Variants in TDRP observed in about 807,000 individuals in gnomAD.
TDRP encodes the protein testis development-related protein.
TDRP carries 12 observed loss-of-function variants against 10.5 expected under a neutral mutation model. The observed-to-expected ratio is 1.15, with a 90% confidence interval of 0.73 to 1.86. The LOEUF is 1.86. Ranked by LOEUF, TDRP falls within the 40% of genes most tolerant of loss-of-function variation. The pLI, the probability that TDRP is intolerant of heterozygous loss-of-function variation, is 0.00. For missense variants in TDRP, 353 were observed against 229.2 expected (o/e 1.54, Z -3.49); for synonymous variants, 139 against 95.4 (o/e 1.46, Z -2.67).
Position 492,185 on chromosome 8 carries a change from G to C in TDRP, c.*214C>G. On this transcript the variant is annotated 3_prime_UTR_variant, in exon 3 of 3. Transcript: ENST00000324079. ...CATGGACTGATAGGTGAATATTTCTGCAATAAGGCAATCAAATGTACAATC... is the reference window on the plus strand; with the variant it reads ...CATGGACTGATAGGTGAATATTTCTCCAATAAGGCAATCAAATGTACAATC... The C allele has an allele frequency of 7.9e-7, 1 of 1,262,090 alleles. No individual in the cohort carries two copies. The highest frequency in any genetic ancestry group is 3.7e-5 in the South Asian group (1 of 27,296). 78.2% of individuals were successfully genotyped at this position (1,262,090 alleles called of 1,614,324 possible).
At chr8:499,938 C>A (rs576559013) in intron 1 of TDRP, among the ~76,000 whole-genome samples, 2 of 152,210 alleles carry the variant, frequency 1.3e-5, no homozygotes, top group Admixed American at 1.3e-4. Flanking sequence ...AAGTTCTCCT[C>A]TTCCACGGGA....
chr8:498,081 T>C (rs144550727), intron 1 of TDRP, among the ~76,000 whole-genome samples: 1 of 152,260 alleles, frequency 6.6e-6, no homozygotes, highest in Admixed American at 6.5e-5. Flanking sequence ...TAGGGCAGCA[T>C]GCAAGGGAAA....
intron 1 of TDRP, among the ~76,000 whole-genome samples, chr8:538,186 G>T (rs2116874557): frequency 6.6e-6 from 1 of 152,318 alleles, no homozygotes; most frequent in Middle Eastern, 3.4e-3. Context: ...GGAGTCTCGG[G>T]ATGGGAAGTG....
Position 492,427 on chromosome 8 carries a change from A to G in TDRP, c.530T>C (p.Leu177Pro), listed in dbSNP as rs1243792666. ...CTCCGCCTCCTCCGGGCTATCTGTC[A>G]GGTGGCCTTTACTCTGCCGTCGGAT... ...VSIRRQSKGH[L>P]TDSPEEAE is the part of the protein sequence containing the mutation. Residue 177 changes from leucine (L) to proline (P), a missense_variant, in exon 3 of 3, where the codon CTG (leucine) becomes CCG (proline). Physicochemically the swap from Leu to Pro is moderately conservative, Grantham distance 98. Coordinates refer to ENST00000324079, the MANE Select transcript of TDRP (RefSeq NM_001384899.1). 1.9e-6 allele frequency: 3 copies of G among 1,573,696 alleles called. No individual in the cohort carries two copies. In the South Asian group the frequency reaches 3.5e-5, roughly 18 times the overall value.
chr8:524,273 A>C (rs552582748), intron 1 of TDRP, among the ~76,000 whole-genome samples: 2 of 152,312 alleles, frequency 1.3e-5, no homozygotes, highest in South Asian at 2.1e-4. Flanking sequence ...CGAAAAACTT[A>C]GATCACAACA....
Position 492,365 on chromosome 8 carries a change from A to G in TDRP, c.*34T>C. The G allele has an allele frequency of 6.8e-7, 1 of 1,463,094 alleles. No homozygotes were observed. The highest frequency in any genetic ancestry group is 9.0e-7 in the Non-Finnish European group (1 of 1,105,064). The allele number at this position is 1,463,094 out of a possible 1,614,324, so 90.6% of individuals were successfully genotyped here. A position where few individuals can be genotyped will look rare whatever the true frequency, so the allele number is the denominator to read the frequency against. ...CTACATGGTATACTCATAAAAGGCC[A>G]CCATGTCGGGGCACACTTGCCACGC... is the stretch of plus-strand genomic sequence containing the variant. On this transcript the variant is annotated 3_prime_UTR_variant, in exon 3 of 3. Coordinates refer to ENST00000324079, the MANE Select transcript of TDRP (RefSeq NM_001384899.1).
At chr8:523,057 G>T (rs934067679) in intron 1 of TDRP, among the ~76,000 whole-genome samples, 3 of 152,034 alleles carry the variant, frequency 2.0e-5, no homozygotes, top group Non-Finnish European at 2.9e-5. Context: ...TTGCCACTTT[G>T]TTAATTATGT....
At chr8:528,669 G>T (rs2116846473) in intron 1 of TDRP, among the ~76,000 whole-genome samples, 1 of 152,248 alleles carries the variant, frequency 6.6e-6, no homozygotes, top group African/African-American at 2.4e-5. Flanking sequence ...AATGCATAAA[G>T]TGATGGATAC....
intron 1 of TDRP, among the ~76,000 whole-genome samples, chr8:528,563 T>G (rs909811100): frequency 2.2e-5 from 3 of 138,480 alleles, no homozygotes; most frequent in African/African-American, 7.7e-5. Context: ...GATCTGGTAC[T>G]TGACAGCACA....
intron 1 of TDRP, among the ~76,000 whole-genome samples, chr8:500,066 A>T (rs189617071): frequency 2.0e-5 from 3 of 152,360 alleles, no homozygotes; most frequent in Admixed American, 1.3e-4. Flanking sequence ...AGAAAGTGAC[A>T]TCCAAAACAA....
chr8:521,724 G>A (rs1014835575), intron 1 of TDRP, among the ~76,000 whole-genome samples: 2 of 151,962 alleles, frequency 1.3e-5, no homozygotes, highest in African/African-American at 4.8e-5. Flanking sequence ...AGCTATTCAG[G>A]TCATTTGAGA....
In TDRP at chr8:490,344, A is replaced by T. The variant is rs904395911; in HGVS notation, c.*2055T>A. 1 of 142,226 alleles carries T rather than the reference A, an allele frequency of 7.0e-6. No homozygotes were observed. The highest frequency in any genetic ancestry group is 1.5e-5 in the Non-Finnish European group (1 of 67,948). 8.8% of individuals were successfully genotyped at this position (142,226 alleles called of 1,614,324 possible). ...CCAATCCCAATCTGGGTTTGTCCTC[A>T]AATTTTGAGAAATAGCATAAAGAAC... On this transcript the variant is annotated 3_prime_UTR_variant, in exon 3 of 3. Transcript: ENST00000324079.
At position 491,465 on chromosome 8, in the gene TDRP, G is replaced by C; in HGVS notation, c.*934C>G. ...GAGAGATGCTCTCAAACCGGTCGTC[G>C]ATTATTCTTGTGGAAAAAACACAGC... On this transcript the variant is annotated 3_prime_UTR_variant, in exon 3 of 3. Transcript: ENST00000324079. 1 of 725,632 alleles carries C rather than the reference G, an allele frequency of 1.4e-6. No individual in the cohort carries two copies. Among genetic ancestry groups the C allele is most frequent in the South Asian group, 3.0e-5 (1 of 33,366 alleles). 44.9% of individuals were successfully genotyped at this position (725,632 alleles called of 1,614,324 possible).
chr8:511,191 C>T (rs910984796), intron 1 of TDRP, among the ~76,000 whole-genome samples: 8 of 152,218 alleles, frequency 5.3e-5, no homozygotes, highest in Middle Eastern at 6.8e-3. Flanking sequence ...AATACTGTCA[C>T]ACTGGATTTT....
At position 491,630 on chromosome 8, in the gene TDRP, G is replaced by GA. The variant is rs1490048821; in HGVS notation, c.*768dup. 1.3e-6 allele frequency: 2 copies of GA among 1,531,214 alleles called. No individual in the cohort carries two copies. Among genetic ancestry groups the GA allele is most frequent in the African/African-American group, 2.7e-5 (2 of 72,850 alleles). The allele number at this position is 1,531,214 out of a possible 1,614,324, so 94.9% of individuals were successfully genotyped here. On this transcript the variant is annotated 3_prime_UTR_variant, in exon 3 of 3. Transcript: ENST00000324079. ...ATGAGCAAGACAATGTTTCCTAAAT[G>GA]AAATTATCAACTGACTAAAATTGAT...
At chr8:500,862 G>A (rs1801272476) in intron 1 of TDRP, among the ~76,000 whole-genome samples, 1 of 152,152 alleles carries the variant, frequency 6.6e-6, no homozygotes, top group Admixed American at 6.5e-5. Flanking sequence ...AGACCAGGAA[G>A]TGTTACACCA....
At chr8:531,423 T>C (rs1377915096) in intron 1 of TDRP, among the ~76,000 whole-genome samples, 1 of 152,106 alleles carries the variant, frequency 6.6e-6, no homozygotes, top group Non-Finnish European at 1.5e-5. Flanking sequence ...GCATCTGAAG[T>C]GGGTGCAGTC....
intron 1 of TDRP, among the ~76,000 whole-genome samples, chr8:517,079 G>C (rs77014633): frequency 0.028 from 4,268 of 152,214 alleles, 200 homozygotes; most frequent in African/African-American, 0.098. Context: ...GAGGAAGTCA[G>C]ACATGCCTCA....
upstream of TDRP, among the ~76,000 whole-genome samples, chr8:545,388 C>G (rs1416045147): frequency 8.6e-6 from 1 of 115,834 alleles, no homozygotes; most frequent in African/African-American, 3.2e-5. Flanking sequence ...CCCGCAAATT[C>G]CCCTCTCCCG....
Sources: gnomAD v4.1 joint callset for allele counts (sites outside exome capture counted in the v4.1 genomes callset) on GRCh38, gnomAD v4.1.1 for gene constraint, MANE v1.5 for transcripts, NCBI Gene and HGNC (gene_info 2026-07-23, HGNC 2026-07-21) for gene names.